ZBBX: variants seen among roughly 807,000 people sequenced by gnomAD.
ZBBX encodes zinc finger B-box domain containing.
Under a neutral mutation model 108.5 loss-of-function variants are expected in ZBBX, and 101 were observed. The observed-to-expected ratio is 0.93, with a 90% CI of 0.79 to 1.10. The LOEUF is 1.10. ZBBX is among the 50% of genes least tolerant of loss of function. The pLI is 0.00. For missense variants in ZBBX, 1,009 were observed against 941.4 expected (o/e 1.07, Z -0.94); for synonymous variants, 356 against 323.4 (o/e 1.10, Z -1.08).
At chr3:167,368,345 A>G (rs576925795) in intron 5 of ZBBX, 116 bp downstream of exon 5, 5 of 789,826 alleles carry the variant, frequency 6.3e-6, no homozygotes, top group South Asian at 5.7e-5. Flanking sequence ...GTTCATCAGG[A>G]AAAGTCAGAA....
intron 20 of ZBBX, among the ~76,000 whole-genome samples, chr3:167,280,321 AT>A (rs1201015544): frequency 2.6e-5 from 4 of 152,040 alleles, no homozygotes; most frequent in Non-Finnish European, 4.4e-5. Flanking sequence ...CAGGTAACCT[AT>A]AAAATGGGAG....
chr3:167,304,505 A>G (rs1348329004), intron 17 of ZBBX, among the ~76,000 whole-genome samples: 2 of 152,154 alleles, frequency 1.3e-5, no homozygotes, highest in Non-Finnish European at 2.9e-5. Context: ...GATAAGGTGT[A>G]AGCATGTCCT....
chr3:167,334,500 G>C (rs978438333), intron 9 of ZBBX, among the ~76,000 whole-genome samples: 1 of 152,110 alleles, frequency 6.6e-6, no homozygotes, highest in Admixed American at 6.6e-5. Context: ...CTTGAACCCA[G>C]GAGGCGGAGG....
chr3:167,288,829 C>T (rs1417991323), intron 19 of ZBBX, 38 bp downstream of exon 19: 42 of 1,423,004 alleles, frequency 3.0e-5, no homozygotes, highest in Non-Finnish European at 4.0e-5. Flanking sequence ...AGGAAGTAAG[C>T]TGCCAACATG....
At chr3:167,392,129 T>C (rs1475713704) in intron 1 of ZBBX, among the ~76,000 whole-genome samples, 2 of 151,824 alleles carry the variant, frequency 1.3e-5, no homozygotes, top group Non-Finnish European at 2.9e-5. Flanking sequence ...GGTTTTAGAA[T>C]TCATTATAAA....
chr3:167,327,138 TA>T (rs547596997), intron 11 of ZBBX, among the ~76,000 whole-genome samples: 1,291 of 115,150 alleles, frequency 0.011, 7 homozygotes, highest in East Asian at 0.043. Flanking sequence ...AGCGAAATTA[TA>T]AAAAAAAAAA....
intron 1 of ZBBX, chr3:167,399,487 T>C (rs1057064020): frequency 6.6e-6 from 1 of 152,224 alleles, no homozygotes; most frequent in African/African-American, 2.4e-5. Context: ...TATACTGTTA[T>C]GTGGTAGGTA....
chr3:167,307,629 G>C (rs893635522), intron 16 of ZBBX, among the ~76,000 whole-genome samples: 1 of 152,042 alleles, frequency 6.6e-6, no homozygotes, highest in Non-Finnish European at 1.5e-5. Context: ...TAGACCAGTG[G>C]AACAGAATAG....
chr3:167,252,297 T>C lies in ZBBX; in HGVS notation c.2255-9654A>G. 3 of 867,816 alleles carry C rather than the reference T, an allele frequency of 3.5e-6. No homozygotes were observed. The Middle Eastern group carries it at 8.1e-4, about 233-fold the overall frequency. The allele number at this position is 867,816 out of a possible 1,614,324, so 53.8% of individuals were successfully genotyped here. A position where few individuals can be genotyped will look rare whatever the true frequency, so the allele number is the denominator to read the frequency against. ...AGATTTGAACATATTTACATTTATA[T>C]AAGCATCCAGTGGTGTGGAGGTGTA... is the stretch of plus-strand genomic sequence containing the variant. On this transcript the variant is annotated intron_variant, in intron 20 of 21. Coordinates refer to ENST00000675490, the MANE Select transcript of ZBBX (RefSeq NM_001199201.2).
At chr3:167,258,443 A>T (rs898504880) in intron 20 of ZBBX, among the ~76,000 whole-genome samples, 1 of 152,098 alleles carries the variant, frequency 6.6e-6, no homozygotes. Context: ...CCATTTGTTT[A>T]AAAGGGTGAC....
At chr3:167,207,823 C>T in the ZBBX span, among the ~76,000 whole-genome samples, 3 of 152,042 alleles carry the variant, frequency 2.0e-5, no homozygotes, top group Admixed American at 6.6e-5. Flanking sequence ...AACAACAATC[C>T]ACATCAAAAA....
chr3:167,386,997 C>A (rs1157673763), intron 1 of ZBBX, among the ~76,000 whole-genome samples: 1 of 151,942 alleles, frequency 6.6e-6, no homozygotes, highest in Non-Finnish European at 1.5e-5. Context: ...TAATAACTGC[C>A]TTACCTTTGG....
the ZBBX span, among the ~76,000 whole-genome samples, chr3:167,230,129 A>C: frequency 4.0e-5 from 6 of 151,784 alleles, no homozygotes; most frequent in Non-Finnish European, 7.4e-5. Flanking sequence ...TCATATGTAA[A>C]ATGGGGACTA....
At chr3:167,303,671 G>A (rs1435382340) in intron 17 of ZBBX, among the ~76,000 whole-genome samples, 2 of 152,122 alleles carry the variant, frequency 1.3e-5, no homozygotes, top group African/African-American at 4.8e-5. Flanking sequence ...TAGATTGTTA[G>A]TCAGTTCTAT....
upstream of ZBBX, among the ~76,000 whole-genome samples, chr3:167,381,156 C>A (rs964004998): frequency 6.6e-6 from 1 of 151,864 alleles, no homozygotes; most frequent in African/African-American, 2.4e-5. Context: ...CATTACTATG[C>A]CTGCCAATAC....
chr3:167,355,434 T>C (rs745337181), intron 8 of ZBBX, among the ~76,000 whole-genome samples: 3 of 151,924 alleles, frequency 2.0e-5, no homozygotes, highest in African/African-American at 4.8e-5. Flanking sequence ...GAAGGTCACA[T>C]AGCTAATAAC....
chr3:167,216,587 A>G, the ZBBX span, among the ~76,000 whole-genome samples: 3 of 152,180 alleles, frequency 2.0e-5, no homozygotes, highest in Admixed American at 6.5e-5. Flanking sequence ...CTCTCAAGCT[A>G]CCAACAATAT....
At chr3:167,347,161 C>A (rs773305541) in intron 9 of ZBBX, among the ~76,000 whole-genome samples, 7 of 151,734 alleles carry the variant, frequency 4.6e-5, no homozygotes, top group Non-Finnish European at 8.8e-5. Flanking sequence ...GGAGGGAGTA[C>A]GTAGTACAAT....
chr3:167,274,747 C>A (rs1311223128), intron 20 of ZBBX, among the ~76,000 whole-genome samples: 1 of 152,186 alleles, frequency 6.6e-6, no homozygotes, highest in East Asian at 1.9e-4. Context: ...CTGTACCTCA[C>A]GTCCCCCTCC....
Sources: allele counts gnomAD v4.1 joint callset (sites outside exome capture counted in the v4.1 genomes callset), GRCh38; gene constraint gnomAD v4.1.1; transcripts MANE v1.5; gene names NCBI Gene and HGNC (gene_info 2026-07-23, HGNC 2026-07-21).